NEB: variants seen among roughly 807,000 people sequenced by gnomAD.
NEB encodes nemaline myopathy type 2.
A neutral mutation model predicts 952.2 loss-of-function variants in NEB; 512 were observed. The ratio of observed to expected loss-of-function variants is 0.54; its 90% confidence interval spans 0.50 to 0.58. The LOEUF (loss-of-function observed/expected upper bound fraction) is 0.58. Ranked by LOEUF, NEB falls within the 20% of genes least tolerant of loss-of-function variation. NEB has a pLI of 0.00. For missense variants in NEB, 8,428 were observed against 9,231.1 expected (o/e 0.91, Z 3.56); for synonymous variants, 2,900 against 3,149.8 (o/e 0.92, Z 2.66).
In NEB at chr2:151,679,922, C is replaced by T; in HGVS notation, c.3143G>A (p.Ser1048Asn). 6.2e-7 allele frequency: 1 copy of T among 1,612,618 alleles called. No homozygotes were observed. The highest frequency in any genetic ancestry group is 1.1e-5 in the South Asian group (1 of 91,062). ...CCCGTGAGTCCACCCACGCACCTCA[C>T]TGATATTGTAGGCATTAACTTTAGC... ...IQAKVNAYNI[S>N]ENMYKADLKD... The change falls in exon 31 of 182, where the codon AGT (serine) becomes AAT (asparagine). Residue 1048 changes from serine (S) to asparagine (N), a missense_variant. This residue lies in a region of NEB where 2,851 missense variants were observed against 2,791.5 expected (regional missense o/e 1.02). Coordinates refer to ENST00000397345, the MANE Select transcript of NEB (RefSeq NM_001164508.2).
At chr2:151,635,898 CTTCTATAAGCTT>C (rs1476397672) in intron 64 of NEB, among the ~76,000 whole-genome samples, 1 of 152,116 alleles carries the variant, frequency 6.6e-6, no homozygotes, top group Non-Finnish European at 1.5e-5. Flanking sequence ...TGAGTTATAT[CTTCTATAAGCTT>C]TTCTATAAGC....
chr2:151,721,696 C>T (rs1003482454), intron 9 of NEB, among the ~76,000 whole-genome samples: 65 of 152,180 alleles, frequency 4.3e-4, no homozygotes, highest in African/African-American at 1.5e-3. Context: ...ACTTTTCTAT[C>T]CTGCCAGGTG....
chr2:151,493,890 C>A, intron 174 of NEB, 23 bp from the exon 175 acceptor site: 1 of 1,435,792 alleles, frequency 7.0e-7, no homozygotes, highest in Non-Finnish European at 9.5e-7. Flanking sequence ...AAGTCATGCC[C>A]GAAAGTCACT....
Position 151,614,452 on chromosome 2 carries a change from C to G in NEB, c.11425G>C (p.Glu3809Gln), listed in dbSNP as rs2098126010. The change falls in exon 77 of 182, where the codon GAG (glutamate) becomes CAG (glutamine). Residue 3809 changes from glutamate (E) to glutamine (Q), a missense_variant. Glu to Gln is a conservative substitution (Grantham distance 29). Around this residue, in one of 11 missense-constraint regions of NEB, gnomAD observed 1,772 missense variants for 1,960.3 expected, o/e 0.90. Coordinates refer to ENST00000397345, the MANE Select transcript of NEB (RefSeq NM_001164508.2). ...CTGCTGAACTTGGTCTTCCACTTCT[C>G]AAACTCCTTCTTGTACTCCCTGTCA... ...QSDREYKKEF[E>Q]KWKTKFSSPV... 6.2e-7 allele frequency: 1 copy of G among 1,613,810 alleles called. No individual in the cohort carries two copies. The highest frequency in any genetic ancestry group is 8.5e-7 in the Non-Finnish European group (1 of 1,179,860).
In NEB at chr2:151,732,177, G is replaced by T. The variant is rs376152685; in HGVS notation, c.36+944C>A. The stretch of plus-strand genomic sequence containing the variant: ...TTCAAAACTGCCTCCAAGTGCCTTA[G>T]GCATTTGGAGATTTTCATGTGTTTA... On this transcript the variant is annotated intron_variant, in intron 3 of 181. Coordinates refer to ENST00000397345, the MANE Select transcript of NEB (RefSeq NM_001164508.2). Among the ~76,000 whole-genome samples, 8 of 152,190 alleles carry T rather than the reference G, an allele frequency of 5.3e-5. No homozygotes were observed. The East Asian group carries it at 1.4e-3, about 26-fold the overall frequency.
intron 28 of NEB, among the ~76,000 whole-genome samples, chr2:151,684,203 A>T (rs964556308): frequency 6.6e-6 from 1 of 152,204 alleles, no homozygotes; most frequent in African/African-American, 2.4e-5. Flanking sequence ...CAAAGGTGGT[A>T]AATTTATGTT....
intron 50 of NEB, 145 bp from the exon 51 acceptor site, chr2:151,655,519 T>C (rs1332801610): frequency 2.0e-6 from 1 of 511,888 alleles, no homozygotes; most frequent in African/African-American, 1.9e-5. Context: ...GAAAAGACCC[T>C]AAAAACAAAC....
chr2:151,487,056 T>C (rs183123066), intron 181 of NEB, among the ~76,000 whole-genome samples: 54 of 152,350 alleles, frequency 3.5e-4, no homozygotes, highest in Non-Finnish European at 5.0e-4. Flanking sequence ...TGTGTGTGTG[T>C]GCGCATGTGC....
intron 36 of NEB, among the ~76,000 whole-genome samples, chr2:151,673,608 A>G (rs2099326760): frequency 1.3e-5 from 2 of 151,986 alleles, no homozygotes; most frequent in South Asian, 2.1e-4. Flanking sequence ...TCTATTTCCT[A>G]TGTGGTCTGT....
chr2:151,491,701 T>C lies in NEB; in HGVS notation c.25132A>G (p.Ser8378Gly), dbSNP rs1559129941. 1 of 1,595,588 alleles carries C rather than the reference T, an allele frequency of 6.3e-7. No homozygotes were observed. Among genetic ancestry groups the C allele is most frequent in the Non-Finnish European group, 8.5e-7 (1 of 1,170,300 alleles). Residue 8378 changes from serine to glycine, a missense_variant, in exon 179 of 182, where the codon AGC becomes GGC. Around this residue, in one of 11 missense-constraint regions of NEB, gnomAD observed 3,374 missense variants for 3,651.5 expected, o/e 0.92. Coordinates refer to ENST00000397345, the MANE Select transcript of NEB (RefSeq NM_001164508.2). Reference sequence around the variant, plus strand: ...AACACACCATTAATCATGTGTAAGCTTCGGGACTGGATGTTGTCTTCTGCT... The same window carrying C: ...AACACACCATTAATCATGTGTAAGCCTCGGGACTGGATGTTGTCTTCTGCT... ...DPAEDNIQSR[S>G]LHMINVQAQR...
intron 11 of NEB, 25 bp from the exon 12 acceptor site, chr2:151,709,788 G>C: frequency 6.6e-7 from 1 of 1,507,282 alleles, no homozygotes; most frequent in South Asian, 1.2e-5. Flanking sequence ...ACAAGCTGAA[G>C]AACTGCTGTG....
chr2:151,546,312 G>T, intron 134 of NEB, 33 bp downstream of exon 134: 2 of 1,540,926 alleles, frequency 1.3e-6, no homozygotes, highest in Non-Finnish European at 8.9e-7. Context: ...GCTGTGCGGG[G>T]GGTAATTATG....
chr2:151,679,660 G>GGGCC, intron 32 of NEB, 61 bp downstream of exon 32: 1 of 682,638 alleles, frequency 1.5e-6, no homozygotes, highest in Non-Finnish European at 2.7e-6. Context: ...GTCATCGTCA[G>GGGCC]ACCCCAAGCC....
chr2:151,565,924 T>C lies in NEB; in HGVS notation c.18157-104A>G, dbSNP rs1046155033. ...CAGAAGCTTTTAAAGGATTTCTCTC[T>C]AGTAGTTTTCTCATTCATTCAATTG... On this transcript the variant is annotated intron_variant, in intron 114 of 181. Coordinates refer to ENST00000397345, the MANE Select transcript of NEB (RefSeq NM_001164508.2). 14 of 709,114 alleles carry C rather than the reference T, an allele frequency of 2.0e-5. No individual in the cohort carries two copies. In the African/African-American group the frequency reaches 2.1e-4, roughly 11 times the overall value. 43.9% of individuals were successfully genotyped at this position (709,114 alleles called of 1,614,324 possible). A position where few individuals can be genotyped will look rare whatever the true frequency, so the allele number is the denominator to read the frequency against.
chr2:151,624,914 T>C (rs1490366164), intron 71 of NEB, among the ~76,000 whole-genome samples: 2 of 152,218 alleles, frequency 1.3e-5, no homozygotes, highest in Admixed American at 1.3e-4. Flanking sequence ...AAAGAATGTA[T>C]TTTATTGTTC....
Position 151,492,406 on chromosome 2 carries a change from G to T in NEB, c.24854C>A (p.Thr8285Asn). 6.2e-7 allele frequency: 1 copy of T among 1,606,142 alleles called. No homozygotes were observed. The highest frequency in any genetic ancestry group is 2.2e-5 in the East Asian group (1 of 44,766). ...ACTCACCGTTGAGATGTGCCGTTGG[G>T]TCTCCCTCACCCGTCTCATCTCGGG... is the stretch of plus-strand genomic sequence containing the variant. ...DTPEMRRVRE[T>N]QRHISTVKYH... The change falls in exon 177 of 182, where the codon ACC becomes AAC. Residue 8285 changes from threonine to asparagine, a missense_variant. Thr to Asn is a moderately conservative substitution (Grantham distance 65). Around this residue, in one of 11 missense-constraint regions of NEB, gnomAD observed 3,374 missense variants for 3,651.5 expected, o/e 0.92. Coordinates refer to ENST00000397345, the MANE Select transcript of NEB (RefSeq NM_001164508.2).
In NEB at chr2:151,545,963, C is replaced by T; in HGVS notation, c.20502G>A (p.Met6834Ile). Residue 6834 changes from methionine (M) to isoleucine (I), a missense_variant, in exon 135 of 182, where the codon ATG becomes ATA. This residue lies in a region of NEB where 3,374 missense variants were observed against 3,651.5 expected (regional missense o/e 0.92). Transcript: ENST00000397345. Reference protein sequence around the residue: ...NYLYTDKARKMRDKYKVVLDT... With the variant: ...NYLYTDKARKIRDKYKVVLDT... The stretch of plus-strand genomic sequence containing the variant: ...CAAGCACCACTTTGTATTTGTCTCG[C>T]ATCTTCCTTGCCTTATCAGTGTATA... 1.3e-6 allele frequency: 2 copies of T among 1,594,160 alleles called. No individual in the cohort carries two copies. The highest frequency in any genetic ancestry group is 1.7e-6 in the Non-Finnish European group (2 of 1,167,346).
chr2:151,497,228 A>G (rs2060812864), intron 171 of NEB, 195 bp from the exon 172 acceptor site: 2 of 793,752 alleles, frequency 2.5e-6, no homozygotes, highest in Non-Finnish European at 3.1e-6. Context: ...TGCACCCTCT[A>G]GAGAAGCAGG....
In NEB at chr2:151,493,669, A is replaced by G. The variant is rs2058249842; in HGVS notation, c.24672+106T>C. The G allele has an allele frequency of 5.3e-6, 5 of 950,734 alleles. No homozygotes were observed. In the East Asian group the frequency reaches 1.3e-4, roughly 25 times the overall value. The allele number at this position is 950,734 out of a possible 1,614,324, so 58.9% of individuals were successfully genotyped here. On this transcript the variant is annotated intron_variant, in intron 175 of 181. Transcript: ENST00000397345. ...TTTAAGTGGACAAGGAAGAATTTTT[A>G]AAGATACACAAAAGTTTTGGAAAAA...
Sources: allele counts gnomAD v4.1 joint callset (sites outside exome capture counted in the v4.1 genomes callset), GRCh38; gene constraint gnomAD v4.1.1; regional missense constraint gnomAD v4.1.1; transcripts MANE v1.5; gene names NCBI Gene and HGNC (gene_info 2026-07-23, HGNC 2026-07-21).